STAB1: variants seen among roughly 807,000 people sequenced by gnomAD.
STAB1 encodes stabilin 1.
In STAB1, 250 loss-of-function variants were observed where a neutral mutation model predicts 332.4. The observed-to-expected ratio is 0.75, with a 90% CI of 0.68 to 0.84. STAB1 has a LOEUF of 0.84. Among genes scored for constraint, STAB1 ranks in the 40% least tolerant of loss-of-function variants. STAB1 has a pLI of 0.00. For synonymous variants in STAB1, 1,475 were observed against 1,390.4 expected, an observed-to-expected ratio of 1.06 and a Z score of -1.35; for missense variants, 3,249 against 3,489.7, an observed-to-expected ratio of 0.93 and a Z score of 1.74.
In STAB1 at chr3:52,517,004, G is replaced by C. The variant is rs148813104; in HGVS notation, c.4384G>C (p.Gly1462Arg). The change falls in exon 42 of 69, where the codon GGC becomes CGC. Residue 1462 changes from glycine (G) to arginine (R), a missense_variant. By Grantham distance (125) the Gly-to-Arg change is moderately radical. Transcript: ENST00000321725. The part of the protein sequence containing the change: ...FCSEVDPCAH[G>R]HGGCSPHANC... Reference sequence around the variant, plus strand: ...CTTAGAGGTGGACCCCTGCGCCCACGGCCATGGGGGCTGCTCCCCTCATGC... The same window carrying C: ...CTTAGAGGTGGACCCCTGCGCCCACCGCCATGGGGGCTGCTCCCCTCATGC... 1.3e-3 allele frequency: 2,020 copies of C among 1,609,814 alleles called. 1 individual carries two copies. Among genetic ancestry groups the C allele is most frequent in the Non-Finnish European group, 1.5e-3 (1,797 of 1,178,670 alleles).
chr3:52,508,055 A>T (rs1431074112), intron 20 of STAB1, 29 bp downstream of exon 20: 2 of 1,603,428 alleles, frequency 1.2e-6, no homozygotes, highest in Non-Finnish European at 1.7e-6. Flanking sequence ...GCCCACTCCC[A>T]GGTCACCTGG....
At chr3:52,506,641 C>A in intron 17 of STAB1, 51 bp from the exon 18 acceptor site, 1 of 1,546,682 alleles carries the variant, frequency 6.5e-7, no homozygotes, top group Middle Eastern at 2.2e-4. Flanking sequence ...GCAGCCCCAC[C>A]GGGCCAAGGC....
Position 52,512,579 on chromosome 3 carries a change from C to A in STAB1, c.2980-17C>A. On this transcript the variant is annotated splice_polypyrimidine_tract_variant and intron_variant, in intron 27 of 68. Transcript: ENST00000321725. ...TTGCCCCTGGTCCTGTGACCTCAGACTTTTCCCTTCCCTTAGGAGCTGGAG... is the reference window on the plus strand; with the variant it reads ...TTGCCCCTGGTCCTGTGACCTCAGAATTTTCCCTTCCCTTAGGAGCTGGAG... The A allele has an allele frequency of 1.2e-6, 2 of 1,613,936 alleles. No homozygotes were observed. Among genetic ancestry groups the A allele is most frequent in the Non-Finnish European group, 8.5e-7 (1 of 1,180,018 alleles).
In STAB1 at chr3:52,516,549, C is replaced by T. The variant is rs1472744688; in HGVS notation, c.4248C>T (p.Thr1416=). The change falls in exon 40 of 69, where the codon ACC becomes ACT. Residue 1416 remains threonine, a synonymous_variant. Coordinates refer to ENST00000321725, the MANE Select transcript of STAB1 (RefSeq NM_015136.3). ...CATCCTCCTGCCCCCCAGAAATCAC[C>T]AGCCCTCAGTGCCCTAGGAAGTGCG... The part of the protein sequence containing the change: ...WQGLRCDQKI[T]SPQCPRKCDP... 6.2e-7 allele frequency: 1 copy of T among 1,613,256 alleles called. No individual in the cohort carries two copies. The highest frequency in any genetic ancestry group is 8.5e-7 in the Non-Finnish European group (1 of 1,179,974).
chr3:52,503,965 C>T (rs567505937), intron 9 of STAB1, 63 bp downstream of exon 9: 32 of 1,568,934 alleles, frequency 2.0e-5, no homozygotes, highest in African/African-American at 4.0e-5. Flanking sequence ...TGCGGGAAGG[C>T]GTGGGGGGTG....
intron 50 of STAB1, 79 bp from the exon 51 acceptor site, chr3:52,519,865 T>C (rs1255406095): frequency 6.8e-7 from 1 of 1,476,586 alleles, no homozygotes; most frequent in Non-Finnish European, 9.0e-7. Flanking sequence ...CCCTTCCTGC[T>C]CTGTGGCACA....
chr3:52,512,674 G>C, intron 28 of STAB1, 31 bp downstream of exon 28: 2 of 1,613,400 alleles, frequency 1.2e-6, no homozygotes, highest in Non-Finnish European at 1.7e-6. Context: ...GGGGTTGAGG[G>C]CTCAAATCCA....
chr3:52,516,822 C>A, intron 41 of STAB1, 54 bp downstream of exon 41: 1 of 1,593,094 alleles, frequency 6.3e-7, no homozygotes. Context: ...GTGGCTGTCC[C>A]CACAGAGCCC....
In STAB1 at chr3:52,517,632, C is replaced by T. The variant is rs1285022467; in HGVS notation, c.4638+8C>T. 3.1e-6 allele frequency: 5 copies of T among 1,612,044 alleles called. No homozygotes were observed. The highest frequency in any genetic ancestry group is 8.5e-7 in the Non-Finnish European group (1 of 1,179,520). On this transcript the variant is annotated splice_region_variant and intron_variant, in intron 44 of 68. Coordinates refer to ENST00000321725, the MANE Select transcript of STAB1 (RefSeq NM_015136.3). The stretch of plus-strand genomic sequence containing the variant: ...CTGGACCCCTGCTCTAAGGTCAGGA[C>T]CCTAGTCCTGTCCTCCTTCACTGAC...
chr3:52,510,026 C>A lies in STAB1; in HGVS notation c.2504C>A (p.Ala835Asp), dbSNP rs994235540. The change falls in exon 23 of 69, where the codon GCC (alanine) becomes GAC (aspartate). Residue 835 changes from alanine to aspartate, a missense_variant. Transcript: ENST00000321725. Reference sequence around the variant, plus strand: ...CTGGCCCAGCACTGCCACCTGCATGCCCGCTGTGTTAGCCAGGAGGGTGTT... The same window carrying A: ...CTGGCCCAGCACTGCCACCTGCATGACCGCTGTGTTAGCCAGGAGGGTGTT... ...TGLAQHCHLH[A>D]RCVSQEGVAR... The A allele has an allele frequency of 2.5e-6, 4 of 1,607,416 alleles. 1 individual carries two copies. In the East Asian group the frequency reaches 6.7e-5, roughly 27 times the overall value.
In STAB1 at chr3:52,516,368, C is replaced by G; in HGVS notation, c.4157C>G (p.Ala1386Gly). 6.2e-7 allele frequency: 1 copy of G among 1,608,588 alleles called. No homozygotes were observed. The highest frequency in any genetic ancestry group is 8.5e-7 in the Non-Finnish European group (1 of 1,176,464). ...GPNCTGVCDCAHGLCQEGLQG... is the reference protein window; with the variant it reads ...GPNCTGVCDCGHGLCQEGLQG... Reference sequence around the variant, plus strand: ...TATACCACTGCAGTGTGTGACTGTGCCCATGGGCTGTGCCAGGAGGGGCTG... The same window carrying G: ...TATACCACTGCAGTGTGTGACTGTGGCCATGGGCTGTGCCAGGAGGGGCTG... The change falls in exon 39 of 69, where the codon GCC (alanine) becomes GGC (glycine). Residue 1386 changes from alanine (A) to glycine (G), a missense_variant. Coordinates refer to ENST00000321725, the MANE Select transcript of STAB1 (RefSeq NM_015136.3).
rs1056392053 is a variant in STAB1 at position 52,521,633 on chromosome 3, C to T, written c.6096C>T (p.Gly2032=). The part of the protein sequence containing the change: ...RCTVHGRCDE[G]LGGSGSCFCD... ...CTGTGCATGGCCGCTGTGATGAGGG[C>T]CTTGGGGGCTCTGGCTCCTGCTTCT... Residue 2032 remains glycine, a synonymous_variant, in exon 57 of 69, where the codon GGC becomes GGT. Coordinates refer to ENST00000321725, the MANE Select transcript of STAB1 (RefSeq NM_015136.3). The T allele has an allele frequency of 8.1e-6, 13 of 1,612,982 alleles. No homozygotes were observed. Among genetic ancestry groups the T allele is most frequent in the Non-Finnish European group, 1.0e-5 (12 of 1,179,904 alleles).
In STAB1 at chr3:52,506,036, C is replaced by T. The variant is rs1708835340; in HGVS notation, c.1749+100C>T. Reference sequence around the variant, plus strand: ...GCCCCATCTCTTCTCCATCTCCCTTCCCTTCTCATCTGTTCTGCTATAGCA... The same window carrying T: ...GCCCCATCTCTTCTCCATCTCCCTTTCCTTCTCATCTGTTCTGCTATAGCA... On this transcript the variant is annotated intron_variant, in intron 16 of 68. Coordinates refer to ENST00000321725, the MANE Select transcript of STAB1 (RefSeq NM_015136.3). The T allele has an allele frequency of 8.5e-6, 13 of 1,533,064 alleles. 1 individual carries two copies. In the South Asian group the frequency reaches 1.4e-4, roughly 16 times the overall value. The allele number at this position is 1,533,064 out of a possible 1,614,324, so 95.0% of individuals were successfully genotyped here.
intron 7 of STAB1, 113 bp from the exon 8 acceptor site, chr3:52,503,231 C>A: frequency 1.3e-6 from 2 of 1,499,086 alleles, no homozygotes; most frequent in Non-Finnish European, 1.8e-6. Context: ...TAAGGGGAGC[C>A]TATCCTCAAG....
In STAB1 at chr3:52,523,727, GC is replaced by G. The variant is rs1399152337; in HGVS notation, c.7368del (p.Ser2457AlafsTer143). ...CTTCAATGGCATCATCCATGCTCTG[GC>G]CAGCCCCCTCCTGGCACCCCCACAG... The part of the protein sequence containing the change: ...MAFNGIIHAL[A>X]SPLLAPPQPQ... On this transcript the variant is annotated frameshift_variant, in exon 66 of 69. Transcript: ENST00000321725. LOFTEE classifies it high-confidence loss of function. 2.5e-6 allele frequency: 4 copies of G among 1,601,042 alleles called. No homozygotes were observed. Among genetic ancestry groups the G allele is most frequent in the Non-Finnish European group, 3.4e-6 (4 of 1,170,202 alleles).
Position 52,508,292 on chromosome 3 carries a change from G to T in STAB1, c.2168G>T (p.Gly723Val). ...TTATAGGAACAAGGCTGCTGCAAAG[G>T]TTTTTTCGGGCCTGACTGCACGCAG... Reference protein sequence around the residue: ...QTIMEQGCCKGFFGPDCTQCP... With the variant: ...QTIMEQGCCKVFFGPDCTQCP... The change falls in exon 21 of 69, where the codon GGT becomes GTT. Residue 723 changes from glycine (G) to valine (V), a missense_variant. By Grantham distance (109) the Gly-to-Val change is moderately radical (BLOSUM62 -3). Coordinates refer to ENST00000321725, the MANE Select transcript of STAB1 (RefSeq NM_015136.3). The T allele has an allele frequency of 6.2e-7, 1 of 1,613,464 alleles. No individual in the cohort carries two copies. The highest frequency in any genetic ancestry group is 8.5e-7 in the Non-Finnish European group (1 of 1,179,536).
intron 11 of STAB1, 36 bp from the exon 12 acceptor site, chr3:52,504,703 C>T: frequency 1.2e-6 from 2 of 1,613,452 alleles, no homozygotes; most frequent in Non-Finnish European, 1.7e-6. Context: ...AGGACTGGCC[C>T]CCCGGCTCAC....
At position 52,518,728 on chromosome 3, in the gene STAB1, GC is replaced by G; in HGVS notation, c.4894del (p.Leu1632TrpfsTer59). ...DLMSNLSQDELARIRAHRQLV... is the reference protein window; with the variant it reads ...DLMSNLSQDEXARIRAHRQLV... ...CCCTCGCGACTCTGCTCCAGGATGA[GC>G]TGGCCCGGATTCGTGCGCATCGCCA... On this transcript the variant is annotated frameshift_variant, in exon 48 of 69. Transcript: ENST00000321725. LOFTEE classifies it high-confidence loss of function. 1.2e-6 allele frequency: 2 copies of G among 1,612,516 alleles called. No homozygotes were observed. The highest frequency in any genetic ancestry group is 1.7e-6 in the Non-Finnish European group (2 of 1,179,758).
At chr3:52,519,131 T>C (rs1575357726) in intron 48 of STAB1, 133 bp from the exon 49 acceptor site, 1 of 688,514 alleles carries the variant, frequency 1.5e-6, no homozygotes, top group Non-Finnish European at 2.1e-6. Flanking sequence ...CCCGCCCACC[T>C]CGTCCTGGTC....
Sources: allele counts gnomAD v4.1 joint callset, GRCh38; gene constraint gnomAD v4.1.1; transcripts MANE v1.5; gene names NCBI Gene and HGNC (gene_info 2026-07-23, HGNC 2026-07-21).